Variants in DDX54 observed in about 807,000 individuals in gnomAD.
DDX54 encodes the protein ATP-dependent RNA helicase DDX54.
DDX54 carries 67 observed loss-of-function variants against 105.5 expected under a neutral mutation model. The ratio of observed to expected loss-of-function variants is 0.64; its 90% CI spans 0.52 to 0.78. The LOEUF (loss-of-function observed/expected upper bound fraction) is 0.78. DDX54 is among the 30% of genes least tolerant of loss of function. DDX54 has a pLI of 0.00. For missense variants in DDX54, 1,206 were observed against 1,230.5 expected, an observed-to-expected ratio of 0.98 and a Z score of 0.30; for synonymous variants, 514 against 509.9, an observed-to-expected ratio of 1.01 and a Z score of -0.11.
At chr12:113,174,979 T>C (rs917638959) in intron 8 of DDX54, 43 bp from the exon 9 acceptor site, 45 of 1,610,850 alleles carry the variant, frequency 2.8e-5, no homozygotes, top group Non-Finnish European at 3.7e-5. Context: ...GCAGAGGGAC[T>C]GGCCCCCAGG....
intron 11 of DDX54, among the ~76,000 whole-genome samples, chr12:113,170,125 A>T (rs1163918936): frequency 6.6e-6 from 1 of 152,218 alleles, no homozygotes; most frequent in East Asian, 1.9e-4. Context: ...GCAAAAATAC[A>T]GCAAGGCCCT....
chr12:113,170,635 G>A (rs1387085431), intron 11 of DDX54, among the ~76,000 whole-genome samples: 1 of 152,012 alleles, frequency 6.6e-6, no homozygotes, highest in African/African-American at 2.4e-5. Context: ...TGAGATCCCG[G>A]CCCCCTGCTT....
intron 1 of DDX54, among the ~76,000 whole-genome samples, chr12:113,182,079 C>T (rs1952474670): frequency 3.3e-5 from 5 of 152,176 alleles, no homozygotes; most frequent in Non-Finnish European, 7.4e-5. Context: ...CTAGGTGCTG[C>T]TCTGAGAATT....
chr12:113,164,844 A>C (rs1014826452), intron 14 of DDX54, among the ~76,000 whole-genome samples: 1 of 151,682 alleles, frequency 6.6e-6, no homozygotes, highest in African/African-American at 2.4e-5. Flanking sequence ...CAGCCTAGGC[A>C]ACATGACCTC....
chr12:113,168,319 T>C (rs1359036087), intron 12 of DDX54, among the ~76,000 whole-genome samples: 1 of 152,218 alleles, frequency 6.6e-6, no homozygotes, highest in Non-Finnish European at 1.5e-5. Flanking sequence ...TGCTGACCAC[T>C]GGCTAGGCTG....
rs775351819 is a variant in DDX54, at chr12:113,158,939, G to A, written c.2584C>T (p.Gln862Ter). Reference sequence around the variant, plus strand: ...GCACCCCGGCCGAAGGCGCCCTGCTGCAGCTCCTGGACGCGGCGGCGGTTG... The same window carrying A: ...GCACCCCGGCCGAAGGCGCCCTGCTACAGCTCCTGGACGCGGCGGCGGTTG... Reference protein sequence around the residue: ...ARNRRRVQELQQGAFGRGARS... With the variant: ...ARNRRRVQEL The change falls in exon 20 of 20, where the codon CAG becomes TAG. Residue 862 changes from glutamine (Q) to a stop codon, truncating the protein, a stop_gained. Coordinates refer to ENST00000306014, the MANE Select transcript of DDX54 (RefSeq NM_024072.4). LOFTEE classifies it high-confidence loss of function. The surrounding 1 kb of genome is among the most constrained non-coding windows in gnomAD (Gnocchi z 4.9). 6.2e-7 allele frequency: 1 copy of A among 1,610,278 alleles called. No homozygotes were observed. Among genetic ancestry groups the A allele is most frequent in the South Asian group, 1.1e-5 (1 of 90,908 alleles).
chr12:113,175,219 C>T, intron 7 of DDX54, 62 bp from the exon 8 acceptor site: 2 of 1,529,600 alleles, frequency 1.3e-6, no homozygotes, highest in East Asian at 4.5e-5. Context: ...GTTCCAACCG[C>T]AGCCATCCTT....
At position 113,169,783 on chromosome 12, in the gene DDX54, G is replaced by A. The variant is rs765362084; in HGVS notation, c.1401C>T (p.Leu467=). 1 of 1,613,882 alleles carries A rather than the reference G, an allele frequency of 6.2e-7. No homozygotes were observed. The highest frequency in any genetic ancestry group is 8.5e-7 in the Non-Finnish European group (1 of 1,179,940). ...GCCTCCACTCACCTGAGGGCTCCTT[G>A]AGGGGTCGGGCGAGGGTGAGGGAGC... ...LGRSLTLARP[L]KEPSGVAGVD... The change falls in exon 12 of 20, where the codon CTC becomes CTT. Residue 467 remains leucine (L), a synonymous_variant. Transcript: ENST00000306014.
In DDX54 at chr12:113,185,400, CCATGGCAG is replaced by C; in HGVS notation, c.44_51del (p.Ala15GlyfsTer30). 1 of 1,547,870 alleles carries C rather than the reference CCATGGCAG, an allele frequency of 6.5e-7. No individual in the cohort carries two copies. Among genetic ancestry groups the C allele is most frequent in the South Asian group, 1.2e-5 (1 of 83,760 alleles). On this transcript the variant is annotated frameshift_variant, in exon 1 of 20. Coordinates refer to ENST00000306014, the MANE Select transcript of DDX54 (RefSeq NM_024072.4). LOFTEE classifies it high-confidence loss of function. ...AGCCCTTTCTTCTTCCTCCACTGGG[CCATGGCAG>C]CTCGCGACCGAGGTCCAGCCGCCGG...
chr12:113,174,205 CATAATCCCAGTACT>C lies in DDX54; in HGVS notation c.1068+421_1068+434del, dbSNP rs572541900. 6.8e-3 allele frequency among the ~76,000 whole-genome samples: 1,018 copies of C among 150,078 alleles called. 10 individuals carry two copies. The highest frequency in any genetic ancestry group is 0.023 in the African/African-American group (943 of 40,898). On this transcript the variant is annotated intron_variant, in intron 10 of 19. Coordinates refer to ENST00000306014, the MANE Select transcript of DDX54 (RefSeq NM_024072.4). ...AAAAAAAAAAAAAAAGAAATGTTTT[CATAATCCCAGTACT>C]ATAATCCCAGTACTATGGGAGGCCA... is the stretch of plus-strand genomic sequence containing the variant.
At chr12:113,180,302 G>T (rs1490384637) in intron 2 of DDX54, among the ~76,000 whole-genome samples, 1 of 152,054 alleles carries the variant, frequency 6.6e-6, no homozygotes, top group Non-Finnish European at 1.5e-5. Flanking sequence ...TTTTAGGCGT[G>T]GTAAGGTCCT....
intron 18 of DDX54, 110 bp from the exon 19 acceptor site, chr12:113,161,492 GCT>G: frequency 2.5e-6 from 2 of 816,174 alleles, no homozygotes; most frequent in Non-Finnish European, 3.9e-6. Context: ...AGCTGAAGCT[GCT>G]CGGCCCCGCC....
chr12:113,167,286 A>G (rs1246133297), intron 12 of DDX54, among the ~76,000 whole-genome samples: 2 of 152,150 alleles, frequency 1.3e-5, no homozygotes, highest in Non-Finnish European at 2.9e-5. Flanking sequence ...CTGAGGTGGA[A>G]GGATTGCTTG....
Position 113,164,162 on chromosome 12 carries a change from G to C in DDX54, c.1843C>G (p.Gln615Glu), listed in dbSNP as rs1262749077. The C allele has an allele frequency of 1.3e-6, 2 of 1,555,888 alleles. No homozygotes were observed. The highest frequency in any genetic ancestry group is 8.7e-7 in the Non-Finnish European group (1 of 1,150,862). Reference sequence around the variant, plus strand: ...GGGGCTGGGCCCACTGGGCCCTCCTGCTGCTCCTGCCGCCCCTGCTGTCCC... The same window carrying C: ...GGGGCTGGGCCCACTGGGCCCTCCTCCTGCTCCTGCCGCCCCTGCTGTCCC... ...QQGQQGRQEQ[Q>E]EGPVGPAPSR... is the part of the protein sequence containing the mutation. Residue 615 changes from glutamine to glutamate, a missense_variant, in exon 15 of 20, where the codon CAG becomes GAG. Physicochemically the swap from Gln to Glu is conservative, Grantham distance 29. Coordinates refer to ENST00000306014, the MANE Select transcript of DDX54 (RefSeq NM_024072.4).
In DDX54 at chr12:113,164,225, G is replaced by T. The variant is rs751830207; in HGVS notation, c.1780C>A (p.Arg594=). 1.9e-6 allele frequency: 3 copies of T among 1,591,010 alleles called. No individual in the cohort carries two copies. The highest frequency in any genetic ancestry group is 2.6e-6 in the Non-Finnish European group (3 of 1,169,818). ...GCGATGGCCTTGCGGTCCTTCTGCC[G>T]CTTGGCGCGCATCACCTGGCTGCAC... ...DLCSQVMRAK[R]QKDRKAIARF... Residue 594 remains arginine, a synonymous_variant, in exon 15 of 20, where the codon CGG becomes AGG. Coordinates refer to ENST00000306014, the MANE Select transcript of DDX54 (RefSeq NM_024072.4).
At chr12:113,181,987 T>C (rs929070385) in intron 1 of DDX54, among the ~76,000 whole-genome samples, 33 of 151,168 alleles carry the variant, frequency 2.2e-4, no homozygotes, top group African/African-American at 7.8e-4. Flanking sequence ...ACCCCATCTT[T>C]ACCAAAAAAG....
At chr12:113,184,910 A>G (rs1364233682) in intron 1 of DDX54, among the ~76,000 whole-genome samples, 2 of 152,160 alleles carry the variant, frequency 1.3e-5, no homozygotes, top group South Asian at 2.1e-4. Flanking sequence ...CCCTTAATTC[A>G]ACCTCCCAAG....
At chr12:113,167,358 CAG>C (rs1952289131) in intron 12 of DDX54, among the ~76,000 whole-genome samples, 1 of 152,100 alleles carries the variant, frequency 6.6e-6, no homozygotes, top group Admixed American at 6.5e-5. Flanking sequence ...GCCTGGGTGA[CAG>C]AGTGAGCCCC....
chr12:113,161,779 A>ACCC, intron 18 of DDX54, 114 bp downstream of exon 18: 8 of 237,010 alleles, frequency 3.4e-5, no homozygotes, highest in South Asian at 7.3e-5. Flanking sequence ...TAAGCCGCTC[A>ACCC]GCCCCGCCCC....
Sources: allele counts gnomAD v4.1 joint callset (sites outside exome capture counted in the v4.1 genomes callset), GRCh38; gene constraint gnomAD v4.1.1; non-coding constraint Gnocchi (gnomAD v3.1); transcripts MANE v1.5; gene names NCBI Gene and HGNC (gene_info 2026-07-23, HGNC 2026-07-21).